Variants in CNTN6 observed in about 807,000 individuals in gnomAD.
CNTN6 encodes contactin 6, also known as contactin-6.
In CNTN6, 137 loss-of-function variants were observed where a neutral mutation model predicts 122.8. That is an observed-to-expected ratio of 1.12 (90% CI 0.97 to 1.29). The LOEUF (loss-of-function observed/expected upper bound fraction) is 1.29, where lower values mean the gene tolerates loss of function less well. CNTN6 is among the 50% of genes most tolerant of loss of function. The probability of loss-of-function intolerance (pLI) is 0.00; values close to 1 mark genes in which losing one functional copy is unlikely to be tolerated. For missense variants in CNTN6, 1,634 were observed against 1,223.4 expected (o/e 1.34, Z -5.01); for synonymous variants, 570 against 426.0 (o/e 1.34, Z -4.16).
At chr3:1,160,135 A>G (rs533053639) in intron 2 of CNTN6, among the ~76,000 whole-genome samples, 3 of 151,930 alleles carry the variant, frequency 2.0e-5, no homozygotes, top group Admixed American at 2.0e-4. Flanking sequence ...TCAGTTTTTA[A>G]TTTTTATTAA....
At position 1,326,401 on chromosome 3, in the gene CNTN6, G is replaced by A. The variant is rs2125988328; in HGVS notation, c.1083+450G>A. ...GAGTTTCAAAGAGGTTAGGCTACTT[G>A]TTTAAGGTCACACAGCAGCTAGTAA... On this transcript the variant is annotated intron_variant, in intron 9 of 22. Coordinates refer to ENST00000446702, the MANE Select transcript of CNTN6 (RefSeq NM_001289080.2). 2.0e-5 allele frequency among the ~76,000 whole-genome samples: 3 copies of A among 151,918 alleles called. No homozygotes were observed. In the South Asian group the frequency reaches 6.2e-4, roughly 31 times the overall value.
chr3:1,233,887 C>A (rs2094389372), intron 4 of CNTN6, among the ~76,000 whole-genome samples: 1 of 151,716 alleles, frequency 6.6e-6, no homozygotes, highest in African/African-American at 2.4e-5. Context: ...TTATCATATA[C>A]AATGGAGTGA....
At chr3:1,132,038 A>G (rs1303797688) in intron 1 of CNTN6, among the ~76,000 whole-genome samples, 1 of 152,134 alleles carries the variant, frequency 6.6e-6, no homozygotes, top group African/African-American at 2.4e-5. Flanking sequence ...CAATTTGGAA[A>G]GAAAAGATAT....
intron 11 of CNTN6, among the ~76,000 whole-genome samples, chr3:1,335,652 T>C (rs1037636345): frequency 2.0e-5 from 3 of 152,108 alleles, no homozygotes; most frequent in African/African-American, 7.2e-5. Context: ...GGTTTGGTCA[T>C]AGCGGACATA....
chr3:1,326,018 T>A, intron 9 of CNTN6, 67 bp downstream of exon 9: 1 of 1,394,326 alleles, frequency 7.2e-7, no homozygotes, highest in Non-Finnish European at 9.8e-7. Context: ...CTAACAGTAC[T>A]AGTAACTAAC....
chr3:1,356,723 G>A (rs995331234), intron 12 of CNTN6, among the ~76,000 whole-genome samples: 1 of 151,776 alleles, frequency 6.6e-6, no homozygotes, highest in African/African-American at 2.4e-5. Context: ...AGTTCCACAC[G>A]CCACTTTCCT....
At chr3:1,137,588 A>G (rs1209557238) in intron 1 of CNTN6, among the ~76,000 whole-genome samples, 2 of 152,152 alleles carry the variant, frequency 1.3e-5, no homozygotes, top group Non-Finnish European at 2.9e-5. Context: ...AAAAGGTGTC[A>G]TTTATCTATT....
intron 12 of CNTN6, among the ~76,000 whole-genome samples, chr3:1,369,571 A>G (rs972345953): frequency 5.3e-5 from 8 of 152,180 alleles, no homozygotes; most frequent in African/African-American, 7.2e-5. Flanking sequence ...CTGTACAACA[A>G]TGAGCTATGT....
In CNTN6 at chr3:1,383,083, C is replaced by G. The variant is rs1377380435; in HGVS notation, c.2308C>G (p.Pro770Ala). 1.9e-6 allele frequency: 3 copies of G among 1,613,848 alleles called. No homozygotes were observed. The highest frequency in any genetic ancestry group is 2.5e-6 in the Non-Finnish European group (3 of 1,179,924). ...TGTCTACAGAAATGAAAGCATCATC[C>G]CACTGTCTCCCTTTGAAGTCAAAGT... ...RFVYRNESII[P>A]LSPFEVKVGV... is the part of the protein sequence containing the mutation. The change falls in exon 18 of 23, where the codon CCA becomes GCA. Residue 770 changes from proline to alanine, a missense_variant. Physicochemically the swap from Pro to Ala is conservative, Grantham distance 27. Coordinates refer to ENST00000446702, the MANE Select transcript of CNTN6 (RefSeq NM_001289080.2).
At chr3:1,128,351 C>T (rs2092235692) in intron 1 of CNTN6, 1 of 151,932 alleles carries the variant, frequency 6.6e-6, no homozygotes, top group Admixed American at 6.6e-5. Context: ...AAGCCTCATC[C>T]CCACTTTGTG....
chr3:1,127,934 A>C (rs1002336117), intron 1 of CNTN6, among the ~76,000 whole-genome samples: 1 of 151,946 alleles, frequency 6.6e-6, no homozygotes, highest in African/African-American at 2.4e-5. Flanking sequence ...AAACCAAAGG[A>C]TATGCCTTTT....
intron 4 of CNTN6, among the ~76,000 whole-genome samples, chr3:1,245,472 G>A (rs2094570277): frequency 6.7e-6 from 1 of 148,556 alleles, no homozygotes; most frequent in African/African-American, 2.5e-5. Flanking sequence ...TTATTCATAT[G>A]TGGGAGCTAA....
rs115709335 is a variant in CNTN6, at chr3:1,236,942, G to T, written c.358+8949G>T. On this transcript the variant is annotated intron_variant, in intron 4 of 22. Transcript: ENST00000446702. ...AAAAAATACATAAAATTAGCCAAGCGTGGTGGTGGGCGCCTGTAGTGCCAG... is the reference window on the plus strand; with the variant it reads ...AAAAAATACATAAAATTAGCCAAGCTTGGTGGTGGGCGCCTGTAGTGCCAG... 8.6e-3 allele frequency among the ~76,000 whole-genome samples: 1,306 copies of T among 152,106 alleles called. 28 individuals carry two copies. The highest frequency in any genetic ancestry group is 0.029 in the African/African-American group (1,222 of 41,494).
At chr3:1,299,313 A>G (rs528479497) in intron 7 of CNTN6, among the ~76,000 whole-genome samples, 1 of 152,282 alleles carries the variant, frequency 6.6e-6, no homozygotes, top group South Asian at 2.1e-4. Context: ...ATTAAATGTC[A>G]TCAAATTCTT....
chr3:1,393,985 T>C (rs1694638495), intron 20 of CNTN6, among the ~76,000 whole-genome samples: 1 of 152,032 alleles, frequency 6.6e-6, no homozygotes, highest in Non-Finnish European at 1.5e-5. Context: ...AAGCACCTTC[T>C]TCCCTGCTAT....
chr3:1,173,092 G>C, intron 2 of CNTN6: 1 of 390,842 alleles, frequency 2.6e-6, no homozygotes, highest in South Asian at 1.9e-5. Flanking sequence ...CACTTGTCTT[G>C]CTATTTGGAG....
intron 4 of CNTN6, among the ~76,000 whole-genome samples, chr3:1,267,099 A>T (rs1028092803): frequency 6.6e-6 from 1 of 151,760 alleles, no homozygotes; most frequent in African/African-American, 2.4e-5. Flanking sequence ...GGATAGCCTG[A>T]ACTTTCTTGT....
chr3:1,334,194 C>A (rs866595568), intron 11 of CNTN6, among the ~76,000 whole-genome samples: 1 of 152,120 alleles, frequency 6.6e-6, no homozygotes, highest in Non-Finnish European at 1.5e-5. Flanking sequence ...CATGCAACAT[C>A]TGTCTCATTC....
chr3:1,402,187 C>G (rs1278398105), intron 21 of CNTN6, 131 bp from the exon 22 acceptor site: 7 of 625,008 alleles, frequency 1.1e-5, no homozygotes, highest in Non-Finnish European at 1.8e-5. Flanking sequence ...AAAGACATCA[C>G]TTGGATATTT....
Sources: gnomAD v4.1 joint callset for allele counts (sites outside exome capture counted in the v4.1 genomes callset) on GRCh38, gnomAD v4.1.1 for gene constraint, MANE v1.5 for transcripts, NCBI Gene and HGNC (gene_info 2026-07-23, HGNC 2026-07-21) for gene names.